ARHGEF39: variants seen among roughly 807,000 people sequenced by gnomAD.
ARHGEF39 encodes the protein Rho guanine nucleotide exchange factor (GEF) 39.
In ARHGEF39, 45 loss-of-function variants were observed where a neutral mutation model predicts 47.5. The observed-to-expected ratio is 0.95, with a 90% CI of 0.75 to 1.22. The LOEUF (loss-of-function observed/expected upper bound fraction) is 1.22, where lower values mean the gene tolerates loss of function less well. Among genes scored for constraint, ARHGEF39 ranks in the 50% most tolerant of loss-of-function variants. The pLI is 0.00. For synonymous variants in ARHGEF39, 164 were observed against 167.8 expected, an observed-to-expected ratio of 0.98 and a Z score of 0.17; for missense variants, 411 against 425.3, an observed-to-expected ratio of 0.97 and a Z score of 0.30.
chr9:35,665,187 G>T lies in ARHGEF39; in HGVS notation c.-18C>A, dbSNP rs1474688604. 2.7e-6 allele frequency: 4 copies of T among 1,460,846 alleles called. No homozygotes were observed. The East Asian group carries it at 1.1e-4, about 39-fold the overall frequency. The allele number at this position is 1,460,846 out of a possible 1,614,324, so 90.5% of individuals were successfully genotyped here. A position where few individuals can be genotyped will look rare whatever the true frequency, so the allele number is the denominator to read the frequency against. On this transcript the variant is annotated 5_prime_UTR_variant, in exon 1 of 9. Coordinates refer to ENST00000378387, the MANE Select transcript of ARHGEF39 (RefSeq NM_032818.3). ...AGCTCCATGCCCTGGCTGAGGGATC[G>T]ACACTTCCGGCTGCAGTCCGCGGCA...
chr9:35,663,215 A>T, intron 5 of ARHGEF39, 107 bp downstream of exon 5: 1 of 1,546,846 alleles, frequency 6.5e-7, no homozygotes, highest in Non-Finnish European at 8.9e-7. Flanking sequence ...CACTGTATAC[A>T]TGTCAGTGGA....
Position 35,661,414 on chromosome 9 carries a change from A to C in ARHGEF39, c.*573T>G. The C allele has an allele frequency of 2.2e-6, 1 of 458,236 alleles. No individual in the cohort carries two copies. The highest frequency in any genetic ancestry group is 3.3e-5 in the East Asian group (1 of 30,430). 28.4% of individuals were successfully genotyped at this position (458,236 alleles called of 1,614,324 possible). A position where few individuals can be genotyped will look rare whatever the true frequency, so the allele number is the denominator to read the frequency against. On this transcript the variant is annotated 3_prime_UTR_variant, in exon 9 of 9. Transcript: ENST00000378387. ...GCCCAAAAATCCCTTTTCTCATAGC[A>C]AAACTGAGACAGAAGGGTCTTTCCC...
Position 35,663,999 on chromosome 9 carries a change from T to A in ARHGEF39, c.473+9A>T. ...AGAGAGAGGCGGCTGGAATCAAGAG[T>A]TCACTCACTGCTGGAGCCGTTGCAG... On this transcript the variant is annotated intron_variant, in intron 4 of 8. Transcript: ENST00000378387. The A allele has an allele frequency of 6.2e-7, 1 of 1,611,454 alleles. No individual in the cohort carries two copies. The highest frequency in any genetic ancestry group is 8.5e-7 in the Non-Finnish European group (1 of 1,177,786).
rs925793173 is a variant in ARHGEF39, at chr9:35,661,353, C to T, written c.*634G>A. On this transcript the variant is annotated 3_prime_UTR_variant, in exon 9 of 9. Transcript: ENST00000378387. ...TAGAGGGAGCTCCAGCTCTTTTCCT[C>T]GTATTCCTGAGGCCACCAGCATGCC... The T allele has an allele frequency of 3.3e-5, 18 of 542,360 alleles. No individual in the cohort carries two copies. The highest frequency in any genetic ancestry group is 4.8e-5 in the Non-Finnish European group (15 of 312,686). The allele number at this position is 542,360 out of a possible 1,614,324, so 33.6% of individuals were successfully genotyped here. A position where few individuals can be genotyped will look rare whatever the true frequency, so the allele number is the denominator to read the frequency against.
chr9:35,662,426 T>A (rs900274318), intron 7 of ARHGEF39, 86 bp downstream of exon 7: 2 of 1,463,944 alleles, frequency 1.4e-6, no homozygotes, highest in East Asian at 2.3e-5. Context: ...TCTGTTCCTA[T>A]GAAAAGGGAC....
rs1438335294 is a variant in ARHGEF39 at position 35,662,563 on chromosome 9, A to G, written c.852T>C (p.His284=). The change falls in exon 7 of 9, where the codon CAT becomes CAC. Residue 284 remains histidine, a synonymous_variant. Transcript: ENST00000378387. ...CKALYPMAQC[H]LSRVFGHSGG... is the part of the protein sequence containing the mutation. ...CTGAGTGGCCAAAGACCCTGCTGAG[A>G]TGACACTGGGCCATGGGGTAGAGGG... is the stretch of plus-strand genomic sequence containing the variant. 1.2e-6 allele frequency: 2 copies of G among 1,614,080 alleles called. No homozygotes were observed. The highest frequency in any genetic ancestry group is 1.7e-5 in the Admixed American group (1 of 59,998).
At chr9:35,664,626 C>T in intron 2 of ARHGEF39, 130 bp downstream of exon 2, 1 of 1,480,896 alleles carries the variant, frequency 6.8e-7, no homozygotes, top group Non-Finnish European at 9.0e-7. Context: ...CATGCTAAGG[C>T]CCTGGGCCAA....
chr9:35,659,456 AAG>A lies in ARHGEF39; in HGVS notation c.*2529_*2530del, dbSNP rs1823771242. 6.6e-6 allele frequency: 1 copy of A among 152,330 alleles called. No individual in the cohort carries two copies. The highest frequency in any genetic ancestry group is 1.9e-4 in the East Asian group (1 of 5,188). 9.4% of individuals were successfully genotyped at this position (152,330 alleles called of 1,614,324 possible). ...CATAATGTAGCAGGAGGTCTTATGA[AAG>A]AGAGTTAGGCATTCCAGTTGACTGA... On this transcript the variant is annotated 3_prime_UTR_variant, in exon 9 of 9. Transcript: ENST00000378387.
At chr9:35,663,517 T>G (rs559728819) in intron 4 of ARHGEF39, 125 bp from the exon 5 acceptor site, 1 of 786,302 alleles carries the variant, frequency 1.3e-6, no homozygotes, top group East Asian at 2.6e-5. Context: ...TTCTGGCTAC[T>G]GTATCCCCTT....
In ARHGEF39 at chr9:35,661,291, AAAAAGAG is replaced by A; in HGVS notation, c.*689_*695del. On this transcript the variant is annotated 3_prime_UTR_variant, in exon 9 of 9. Transcript: ENST00000378387. ...CTTGAAGAGCTGTCCTTATTAGGACAAAAAGAGGCTGCCTTCCAGTGTGACAGCAGAG... is the reference window on the plus strand; with the variant it reads ...CTTGAAGAGCTGTCCTTATTAGGACAGCTGCCTTCCAGTGTGACAGCAGAG... The A allele has an allele frequency of 2.6e-6, 2 of 771,502 alleles. No individual in the cohort carries two copies. Among genetic ancestry groups the A allele is most frequent in the Non-Finnish European group, 4.1e-6 (2 of 481,960 alleles). The allele number at this position is 771,502 out of a possible 1,614,324, so 47.8% of individuals were successfully genotyped here.
At position 35,662,839 on chromosome 9, in the gene ARHGEF39, G is replaced by C; in HGVS notation, c.674-98C>G. ...AAAATAGGGGTTATGTGCTGGGTCA[G>C]TACAGGAAGAAGGGTGAGTAAGAAA... On this transcript the variant is annotated intron_variant, in intron 6 of 8. Transcript: ENST00000378387. 9 of 1,547,670 alleles carry C rather than the reference G, an allele frequency of 5.8e-6. 1 individual carries two copies. In the South Asian group the frequency reaches 8.4e-5, roughly 14 times the overall value.
intron 4 of ARHGEF39, among the ~76,000 whole-genome samples, chr9:35,663,605 A>G (rs1011098224): frequency 1.3e-5 from 2 of 152,170 alleles, no homozygotes; most frequent in African/African-American, 4.8e-5. Context: ...CTGGCAGACT[A>G]GCCATACTTC....
At position 35,664,527 on chromosome 9, in the gene ARHGEF39, G is replaced by A. The variant is rs185387989; in HGVS notation, c.234-35C>T. On this transcript the variant is annotated intron_variant, in intron 2 of 8. Coordinates refer to ENST00000378387, the MANE Select transcript of ARHGEF39 (RefSeq NM_032818.3). Reference sequence around the variant, plus strand: ...CAAGGACAGCAAAAGGGCAGCTCTAGAACCACTCAAGCACCACCTCATTTA... The same window carrying A: ...CAAGGACAGCAAAAGGGCAGCTCTAAAACCACTCAAGCACCACCTCATTTA... The A allele has an allele frequency of 5.2e-4, 816 of 1,568,338 alleles. 3 individuals are homozygous for A. The African/African-American group carries it at 9.7e-3, about 19-fold the overall frequency.
intron 4 of ARHGEF39, 141 bp from the exon 5 acceptor site, chr9:35,663,533 A>G (rs893148419): frequency 2.8e-6 from 2 of 713,260 alleles, no homozygotes; most frequent in Non-Finnish European, 4.7e-6. Context: ...CCCTTCTTTC[A>G]TGTAGGACTC....
In ARHGEF39 at chr9:35,661,136, G is replaced by C. The variant is rs1563913525; in HGVS notation, c.*851C>G. ...AGGGCCCCAGTCACAGCCTTGGCTGGGAAGGAGGGACGACAGCTGAAGGTC... is the reference window on the plus strand; with the variant it reads ...AGGGCCCCAGTCACAGCCTTGGCTGCGAAGGAGGGACGACAGCTGAAGGTC... On this transcript the variant is annotated 3_prime_UTR_variant, in exon 9 of 9. Transcript: ENST00000378387. The C allele has an allele frequency of 1.9e-6, 3 of 1,612,104 alleles. No individual in the cohort carries two copies. Among genetic ancestry groups the C allele is most frequent in the Non-Finnish European group, 2.5e-6 (3 of 1,178,542 alleles).
chr9:35,664,887 G>C (rs1213456193), intron 1 of ARHGEF39, 37 bp from the exon 2 acceptor site: 1 of 1,594,120 alleles, frequency 6.3e-7, no homozygotes, highest in Admixed American at 1.7e-5. Flanking sequence ...TAGCCTAGAG[G>C]AAGAGAAGGC....
rs1261962459 is a variant in ARHGEF39 at position 35,660,576 on chromosome 9, G to A, written c.*1411C>T. On this transcript the variant is annotated 3_prime_UTR_variant, in exon 9 of 9. Transcript: ENST00000378387. ...CCCCAGAGCAACAGCTGGCCCAGTT[G>A]ACACAACAGCTGGCCCAGACAGAGC... 1.9e-6 allele frequency: 3 copies of A among 1,614,064 alleles called. No homozygotes were observed. The highest frequency in any genetic ancestry group is 2.5e-6 in the Non-Finnish European group (3 of 1,179,992).
chr9:35,661,968 T>A lies in ARHGEF39; in HGVS notation c.*19A>T. On this transcript the variant is annotated 3_prime_UTR_variant, in exon 9 of 9. Transcript: ENST00000378387. ...CCTATCCCTGAGGTATCCTGAGTTC[T>A]GGAATCTATAAGATTCCTCTAGTTT... The A allele has an allele frequency of 6.2e-7, 1 of 1,612,964 alleles. No individual in the cohort carries two copies. The highest frequency in any genetic ancestry group is 8.5e-7 in the Non-Finnish European group (1 of 1,179,246).
At position 35,664,775 on chromosome 9, in the gene ARHGEF39, G is replaced by A; in HGVS notation, c.214C>T (p.Leu72Phe). Residue 72 changes from leucine (L) to phenylalanine (F), a missense_variant, in exon 2 of 9, where the codon CTC becomes TTC. By Grantham distance (22) the Leu-to-Phe change is conservative (BLOSUM62 0). Transcript: ENST00000378387. ...ACTCACTGGCTGGCGCCGTAGATGA[G>A]CTCCCAGGAGCCAAACAGGGCCTGG... ...ERQALFGSWE[L>F]IYGASQELLP... The A allele has an allele frequency of 6.2e-7, 1 of 1,612,928 alleles. No individual in the cohort carries two copies. The highest frequency in any genetic ancestry group is 1.3e-5 in the African/African-American group (1 of 75,036).
Sources: allele counts gnomAD v4.1 joint callset (sites outside exome capture counted in the v4.1 genomes callset), GRCh38; gene constraint gnomAD v4.1.1; transcripts MANE v1.5; gene names NCBI Gene and HGNC (gene_info 2026-07-23, HGNC 2026-07-21).